FAM110C: variants seen among roughly 807,000 people sequenced by gnomAD.
FAM110C encodes the protein protein FAM110C.
FAM110C carries 19 observed loss-of-function variants against 15.7 expected under a neutral mutation model. The ratio of observed to expected loss-of-function variants is 1.21; its 90% CI spans 0.85 to 1.78. The LOEUF is 1.78. FAM110C is among the 40% of genes most tolerant of loss of function. FAM110C has a pLI of 0.00. For synonymous variants in FAM110C, 275 were observed against 233.9 expected (o/e 1.18, Z -1.61); for missense variants, 547 against 495.7 (o/e 1.10, Z -0.98).
rs189932423 is a variant in FAM110C at position 43,457 on chromosome 2, T to C, written c.947-1830A>G. On this transcript the variant is annotated intron_variant, in intron 1 of 1. Transcript: ENST00000327669. ...TGCCTTCCCAAACCTGCTCTCACTT[T>C]CCCTCTTCCTTCAACTATTTCTCTT... 1,115 of 985,406 alleles carry C rather than the reference T, an allele frequency of 1.1e-3. 1 individual carries two copies. The highest frequency in any genetic ancestry group is 1.3e-3 in the Non-Finnish European group (1,091 of 829,934). The allele number at this position is 985,406 out of a possible 1,614,324, so 61.0% of individuals were successfully genotyped here.
rs759603340 is a variant in FAM110C at position 46,105 on chromosome 2, G to T, written c.281C>A (p.Pro94Gln). 2.7e-6 allele frequency: 4 copies of T among 1,505,626 alleles called. No homozygotes were observed. Among genetic ancestry groups the T allele is most frequent in the Non-Finnish European group, 3.5e-6 (4 of 1,134,952 alleles). 93.3% of individuals were successfully genotyped at this position (1,505,626 alleles called of 1,614,324 possible). The change falls in exon 1 of 2, where the codon CCG becomes CAG. Residue 94 changes from proline to glutamine, a missense_variant. Coordinates refer to ENST00000327669, the MANE Select transcript of FAM110C (RefSeq NM_001077710.3). ...GATGATCAGCGAGTCCGGTCTCAAC[G>T]GCTTCCGCGCAATAGCCCTGCGCGC... ...PVARRAIARK[P>Q]LRPDSLIIYR...
chr2:43,070 G>A, intron 1 of FAM110C: 2 of 985,510 alleles, frequency 2.0e-6, no homozygotes, highest in Non-Finnish European at 2.4e-6. Flanking sequence ...AAGGGGCTAA[G>A]GTCATGAGCA....
chr2:44,437 A>G (rs543336654), intron 1 of FAM110C: 2 of 985,478 alleles, frequency 2.0e-6, no homozygotes, highest in Middle Eastern at 5.2e-4. Context: ...GCTGCCATGC[A>G]TCTTCACTTA....
chr2:41,920 T>C (rs1380232951), intron 1 of FAM110C: 3 of 985,268 alleles, frequency 3.0e-6, no homozygotes, highest in East Asian at 1.1e-4. Context: ...TAAAGAAAAT[T>C]TCTTTACATG....
chr2:44,449 T>C (rs1664221847), intron 1 of FAM110C: 2 of 985,342 alleles, frequency 2.0e-6, no homozygotes, highest in African/African-American at 1.7e-5. Flanking sequence ...CTTCACTTAG[T>C]TTATCACAAT....
At position 45,509 on chromosome 2, in the gene FAM110C, T is replaced by C. The variant is rs527448123; in HGVS notation, c.877A>G (p.Ile293Val). ...TTACAGGTGTACAGCCACTTGATGA[T>C]GCGGGCGTTCCTCTCGATGACCGAA... ...TTSVIERNAR[I>V]IKWLYTCKKA... The change falls in exon 1 of 2, where the codon ATC (isoleucine) becomes GTC (valine). Residue 293 changes from isoleucine (I) to valine (V), a missense_variant. By Grantham distance (29) the Ile-to-Val change is conservative. Coordinates refer to ENST00000327669, the MANE Select transcript of FAM110C (RefSeq NM_001077710.3). The C allele has an allele frequency of 2.5e-6, 4 of 1,614,136 alleles. No homozygotes were observed. The African/African-American group carries it at 5.3e-5, about 22-fold the overall frequency.
Position 46,354 on chromosome 2 carries a change from G to T in FAM110C, c.32C>A (p.Pro11Gln). MRALAALSAP[P>Q]NERLLPRDPA... The stretch of plus-strand genomic sequence containing the variant: ...GTCCCGGGGAAGGAGCCGCTCGTTC[G>T]GGGGCGCGCTCAGGGCCGCCAGGGC... The change falls in exon 1 of 2, where the codon CCG becomes CAG. Residue 11 changes from proline to glutamine, a missense_variant. Physicochemically the swap from Pro to Gln is moderately conservative, Grantham distance 76. Coordinates refer to ENST00000327669, the MANE Select transcript of FAM110C (RefSeq NM_001077710.3). The T allele has an allele frequency of 7.7e-7, 1 of 1,305,038 alleles. No individual in the cohort carries two copies. Among genetic ancestry groups the T allele is most frequent in the Non-Finnish European group, 9.7e-7 (1 of 1,030,170 alleles). 80.8% of individuals were successfully genotyped at this position (1,305,038 alleles called of 1,614,324 possible).
In FAM110C at chr2:39,173, C is replaced by T. The variant is rs995963941; in HGVS notation, c.*2435G>A. 1 of 152,226 alleles carries T rather than the reference C, an allele frequency of 6.6e-6. No homozygotes were observed. The highest frequency in any genetic ancestry group is 2.4e-5 in the African/African-American group (1 of 41,472). 9.4% of individuals were successfully genotyped at this position (152,226 alleles called of 1,614,324 possible). The stretch of plus-strand genomic sequence containing the variant: ...GGAAGCAATCGCAAGCTTTTCATCC[C>T]GACTGAACTAAACAGTCTGATTTTT... On this transcript the variant is annotated 3_prime_UTR_variant, in exon 2 of 2. Transcript: ENST00000327669.
rs748341607 is a variant in FAM110C at position 46,263 on chromosome 2, C to A, written c.123G>T (p.Ala41=). The A allele has an allele frequency of 8.5e-6, 12 of 1,410,790 alleles. No homozygotes were observed. Among genetic ancestry groups the A allele is most frequent in the Non-Finnish European group, 9.2e-6 (10 of 1,085,992 alleles). 87.4% of individuals were successfully genotyped at this position (1,410,790 alleles called of 1,614,324 possible). A position where few individuals can be genotyped will look rare whatever the true frequency, so the allele number is the denominator to read the frequency against. Reference sequence around the variant, plus strand: ...CCCGCACATACTTGGCGCGATCCGCCGCCAGCCTCTCCACTGCGCTCCTGC... The same window carrying A: ...CCCGCACATACTTGGCGCGATCCGCAGCCAGCCTCTCCACTGCGCTCCTGC... The part of the protein sequence containing the change: ...PARRSAVERL[A]ADRAKYVRGR... The change falls in exon 1 of 2, where the codon GCG becomes GCT. Residue 41 remains alanine (A), a synonymous_variant. Coordinates refer to ENST00000327669, the MANE Select transcript of FAM110C (RefSeq NM_001077710.3).
At chr2:42,958 G>A in intron 1 of FAM110C, 1 of 985,470 alleles carries the variant, frequency 1.0e-6, no homozygotes, top group East Asian at 1.1e-4. Flanking sequence ...TCTGCAGGAA[G>A]TCAGAGGACC....
Position 45,789 on chromosome 2 carries a change from G to A in FAM110C, c.597C>T (p.Arg199=), listed in dbSNP as rs375269594. The A allele has an allele frequency of 2.1e-4, 322 of 1,560,656 alleles. 1 individual carries two copies. The East Asian group carries it at 6.6e-3, about 32-fold the overall frequency. ...PRVVRRRGLQ[R]SQSDLSSRYS... The stretch of plus-strand genomic sequence containing the variant: ...AGCGGGAGCTGAGGTCCGACTGTGA[G>A]CGCTGCAGCCCCCGACGCCTCACCA... The change falls in exon 1 of 2, where the codon CGC becomes CGT. Residue 199 remains arginine, a synonymous_variant. Coordinates refer to ENST00000327669, the MANE Select transcript of FAM110C (RefSeq NM_001077710.3).
intron 1 of FAM110C, chr2:44,943 C>T: frequency 1.0e-6 from 1 of 985,390 alleles, no homozygotes; most frequent in Non-Finnish European, 1.2e-6. Context: ...AGGGAGTCTT[C>T]CTTTCTGTTC....
At chr2:43,378 G>T (rs1308231780) in intron 1 of FAM110C, 1 of 985,274 alleles carries the variant, frequency 1.0e-6, no homozygotes, top group African/African-American at 1.7e-5. Flanking sequence ...CAGGTGGAGG[G>T]AGACATGAGG....
chr2:44,049 C>T (rs1664206917), intron 1 of FAM110C: 1 of 985,302 alleles, frequency 1.0e-6, no homozygotes, highest in South Asian at 4.7e-5. Context: ...CTCCACGGAC[C>T]TGGCCACTCT....
In FAM110C at chr2:46,441, G is replaced by T. The variant is rs902925948; in HGVS notation, c.-56C>A. ...GGGTCCAGCGGAGACGCGCTCGAGT[G>T]GTAGAGCCAGTCAGTCCCAGGGCCG... On this transcript the variant is annotated 5_prime_UTR_variant, in exon 1 of 2. Transcript: ENST00000327669. The T allele has an allele frequency of 8.2e-7, 1 of 1,226,242 alleles. No individual in the cohort carries two copies. The highest frequency in any genetic ancestry group is 1.0e-6 in the Non-Finnish European group (1 of 972,282). 76.0% of individuals were successfully genotyped at this position (1,226,242 alleles called of 1,614,324 possible). A position where few individuals can be genotyped will look rare whatever the true frequency, so the allele number is the denominator to read the frequency against.
Position 46,232 on chromosome 2 carries a change from G to A in FAM110C, c.154C>T (p.Pro52Ser), listed in dbSNP as rs1664302935. 1.4e-6 allele frequency: 2 copies of A among 1,400,348 alleles called. No individual in the cohort carries two copies. Among genetic ancestry groups the A allele is most frequent in the Non-Finnish European group, 1.9e-6 (2 of 1,080,858 alleles). 86.7% of individuals were successfully genotyped at this position (1,400,348 alleles called of 1,614,324 possible). Residue 52 changes from proline to serine, a missense_variant, in exon 1 of 2, where the codon CCG becomes TCG. Coordinates refer to ENST00000327669, the MANE Select transcript of FAM110C (RefSeq NM_001077710.3). ...ADRAKYVRGR[P>S]GTGRGVASEG... Reference sequence around the variant, plus strand: ...GAAGCGACGCCCCGGCCAGTCCCCGGCCGACCCCGCACATACTTGGCGCGA... The same window carrying A: ...GAAGCGACGCCCCGGCCAGTCCCCGACCGACCCCGCACATACTTGGCGCGA...
At position 45,848 on chromosome 2, in the gene FAM110C, C is replaced by A. The variant is rs1316500677; in HGVS notation, c.538G>T (p.Val180Phe). The A allele has an allele frequency of 1.2e-5, 18 of 1,523,898 alleles. No individual in the cohort carries two copies. In the Admixed American group the frequency reaches 2.7e-4, roughly 23 times the overall value. The allele number at this position is 1,523,898 out of a possible 1,614,324, so 94.4% of individuals were successfully genotyped here. Residue 180 changes from valine (V) to phenylalanine (F), a missense_variant, in exon 1 of 2, where the codon GTC becomes TTC. Coordinates refer to ENST00000327669, the MANE Select transcript of FAM110C (RefSeq NM_001077710.3). ...TCTGGCCCAGGGGGCGCGGCCGGGA[C>A]ACTGGAGGGCGCCGCGGACCGCGCG... ...PAARSAAPSS[V>F]PAAPPGPEPR...
chr2:43,282 G>C (rs754349055), intron 1 of FAM110C: 80 of 985,212 alleles, frequency 8.1e-5, no homozygotes, highest in Non-Finnish European at 9.6e-5. Context: ...GGTAGCTTCT[G>C]TGGGACTGTA....
chr2:43,865 C>G, intron 1 of FAM110C: 1 of 985,398 alleles, frequency 1.0e-6, no homozygotes, highest in Non-Finnish European at 1.2e-6. Flanking sequence ...GGGTTTCAGT[C>G]ATGCAACACA....
Sources: allele counts gnomAD v4.1 joint callset, GRCh38; gene constraint gnomAD v4.1.1; transcripts MANE v1.5; gene names NCBI Gene and HGNC (gene_info 2026-07-23, HGNC 2026-07-21).